The following KIF27 variants were observed in gnomAD, a reference collection of about 807,000 sequenced individuals.
KIF27 encodes kinesin-like protein KIF27.
KIF27 carries 84 observed loss-of-function variants against 141.8 expected under a neutral mutation model. That is an observed-to-expected ratio of 0.59 (90% CI 0.50 to 0.71). KIF27 has a LOEUF of 0.71. Among genes scored for constraint, KIF27 ranks in the 30% least tolerant of loss-of-function variants. The pLI is 0.00. For synonymous variants in KIF27, 471 were observed against 569.5 expected (o/e 0.83, Z 2.46); for missense variants, 1,306 against 1,628.4 (o/e 0.80, Z 3.41).
At chr9:83,885,098 CTATT>C (rs1360785481) in intron 9 of KIF27, among the ~76,000 whole-genome samples, 1 of 151,940 alleles carries the variant, frequency 6.6e-6, no homozygotes, top group East Asian at 1.9e-4. Flanking sequence ...GTTTATTATA[CTATT>C]TATTTATTTA....
In KIF27 at chr9:83,903,667, G is replaced by A. The variant is rs151248208; in HGVS notation, c.851C>T (p.Pro284Leu). 2 of 1,614,090 alleles carry A rather than the reference G, an allele frequency of 1.2e-6. No individual in the cohort carries two copies. Among genetic ancestry groups the A allele is most frequent in the Non-Finnish European group, 1.7e-6 (2 of 1,179,992 alleles). The change falls in exon 4 of 18, where the codon CCA becomes CTA. Residue 284 changes from proline (P) to leucine (L), a missense_variant. Physicochemically the swap from Pro to Leu is moderately conservative, Grantham distance 98. This residue lies in a region of KIF27 where 533 missense variants were observed against 565.6 expected (regional missense o/e 0.94). Coordinates refer to ENST00000297814, the MANE Select transcript of KIF27 (RefSeq NM_017576.4). ...LGNVISALGD[P>L]RRKSSHIPYR... The stretch of plus-strand genomic sequence containing the variant: ...TGGAATATGTGAACTCTTCCTGCGT[G>A]GGTCCCCAAGAGCGCTTATTACATT...
intron 2 of KIF27, among the ~76,000 whole-genome samples, chr9:83,913,262 T>C (rs1955360889): frequency 6.6e-6 from 1 of 152,212 alleles, no homozygotes; most frequent in Non-Finnish European, 1.5e-5. Context: ...AGTTTCATTC[T>C]GCCCTAGTGC....
At chr9:83,869,714 G>A (rs1450000956) in intron 12 of KIF27, among the ~76,000 whole-genome samples, 3 of 152,130 alleles carry the variant, frequency 2.0e-5, no homozygotes, top group South Asian at 4.2e-4. Context: ...GTGACAGAGC[G>A]AGACTCTGTC....
intron 2 of KIF27, among the ~76,000 whole-genome samples, chr9:83,910,484 G>T (rs7857619): frequency 0.12 from 19,003 of 152,120 alleles, 1,268 homozygotes; most frequent in Non-Finnish European, 0.14. Context: ...ATTTCTTCAC[G>T]TCACCAAGTG....
intron 10 of KIF27, among the ~76,000 whole-genome samples, chr9:83,883,428 T>C (rs1290342470): frequency 6.6e-6 from 1 of 152,272 alleles, no homozygotes; most frequent in Non-Finnish European, 1.5e-5. Context: ...CAATCAGTTA[T>C]GGTTTGGGAA....
intron 2 of KIF27, among the ~76,000 whole-genome samples, chr9:83,914,042 T>C (rs932828462): frequency 1.3e-5 from 2 of 151,936 alleles, no homozygotes; most frequent in African/African-American, 4.8e-5. Context: ...GTTAGGACAA[T>C]AGATAACTTC....
chr9:83,918,873 C>T (rs1005494162), intron 1 of KIF27, among the ~76,000 whole-genome samples: 2 of 152,056 alleles, frequency 1.3e-5, no homozygotes, highest in East Asian at 3.8e-4. Context: ...GTCAGGAGTT[C>T]GAGACCAGCC....
intron 10 of KIF27, among the ~76,000 whole-genome samples, chr9:83,881,658 C>T (rs1423912910): frequency 6.6e-6 from 1 of 152,228 alleles, no homozygotes; most frequent in Non-Finnish European, 1.5e-5. Flanking sequence ...GGCAGATGGA[C>T]TACTTTGGGT....
chr9:83,905,184 T>A (rs994377984), intron 3 of KIF27, among the ~76,000 whole-genome samples: 72 of 151,966 alleles, frequency 4.7e-4, no homozygotes, highest in Non-Finnish European at 9.0e-4. Context: ...AGTGGCGCAA[T>A]CTCAGCTCAC....
chr9:83,841,124 G>A (rs1386111572), intron 17 of KIF27, among the ~76,000 whole-genome samples: 2 of 151,850 alleles, frequency 1.3e-5, no homozygotes, highest in African/African-American at 4.8e-5. Flanking sequence ...AGGTCGGGGT[G>A]CAATGTCGTG....
intron 5 of KIF27, among the ~76,000 whole-genome samples, chr9:83,894,228 T>G (rs1563969440): frequency 6.6e-6 from 1 of 152,198 alleles, no homozygotes; most frequent in Non-Finnish European, 1.5e-5. Flanking sequence ...GGGAATTAAA[T>G]AATCTATATT....
rs761608802 is a variant in KIF27 at position 83,880,357 on chromosome 9, T to C, written c.2583A>G (p.Glu861=). 16 of 1,613,776 alleles carry C rather than the reference T, an allele frequency of 9.9e-6. No homozygotes were observed. The highest frequency in any genetic ancestry group is 1.3e-5 in the Non-Finnish European group (15 of 1,179,762). Residue 861 remains glutamate (E), a synonymous_variant, in exon 11 of 18, where the codon GAA becomes GAG. Coordinates refer to ENST00000297814, the MANE Select transcript of KIF27 (RefSeq NM_017576.4). ...CCAGTTGCTTCCTTTTTTCATTTTC[T>C]TCTCGTAGTTTTCTTTGTAGCTGTA... ...QKIQLQRKLR[E]ENEKRKQLDA... is the part of the protein sequence containing the mutation.
intron 3 of KIF27, among the ~76,000 whole-genome samples, chr9:83,906,746 A>G (rs1954587427): frequency 1.4e-5 from 2 of 138,360 alleles, no homozygotes; most frequent in African/African-American, 5.9e-5. Flanking sequence ...CCTGTCTCCA[A>G]AAAAAAAAAA....
intron 3 of KIF27, among the ~76,000 whole-genome samples, chr9:83,908,090 C>G (rs137979027): frequency 1.3e-5 from 2 of 151,878 alleles, no homozygotes; most frequent in East Asian, 3.9e-4. Context: ...GGTGAAATCC[C>G]GTCTCTACTA....
chr9:83,844,017 A>G (rs1050054745), intron 16 of KIF27, among the ~76,000 whole-genome samples: 2 of 152,174 alleles, frequency 1.3e-5, no homozygotes, highest in African/African-American at 4.8e-5. Flanking sequence ...AAAGGAGGTT[A>G]ACATTTGAGT....
chr9:83,850,958 C>T (rs1948512001), intron 15 of KIF27, among the ~76,000 whole-genome samples: 1 of 146,482 alleles, frequency 6.8e-6, no homozygotes, highest in Non-Finnish European at 1.5e-5. Flanking sequence ...CTGCCTCAGC[C>T]TCCCAAGTAG....
At chr9:83,871,477 C>A (rs1246468390) in intron 11 of KIF27, among the ~76,000 whole-genome samples, 1 of 152,140 alleles carries the variant, frequency 6.6e-6, no homozygotes, top group East Asian at 1.9e-4. Flanking sequence ...GGGTTATTCT[C>A]TTCTGCCTTT....
intron 16 of KIF27, among the ~76,000 whole-genome samples, chr9:83,844,174 C>T (rs543634927): frequency 4.6e-5 from 7 of 152,146 alleles, no homozygotes; most frequent in East Asian, 1.9e-4. Context: ...TTCCTGTCCT[C>T]GAACATCAGA....
chr9:83,891,537 G>A, intron 5 of KIF27, 36 bp from the exon 6 acceptor site: 1 of 1,543,134 alleles, frequency 6.5e-7, no homozygotes, highest in Non-Finnish European at 8.8e-7. Flanking sequence ...TTAATATAGA[G>A]CACTTCAGTA....
Sources: gnomAD v4.1 joint callset for allele counts (sites outside exome capture counted in the v4.1 genomes callset) on GRCh38, gnomAD v4.1.1 for gene constraint, gnomAD v4.1.1 regional missense constraint, MANE v1.5 for transcripts, NCBI Gene and HGNC (gene_info 2026-07-23, HGNC 2026-07-21) for gene names.